The following CDC42BPA variants were observed in gnomAD, a reference collection of about 807,000 sequenced individuals.
The protein encoded by CDC42BPA is serine/threonine-protein kinase MRCK alpha.
CDC42BPA carries 80 observed loss-of-function variants against 223.5 expected under a neutral mutation model. The ratio of observed to expected loss-of-function variants is 0.36; its 90% CI spans 0.30 to 0.43. CDC42BPA has a LOEUF of 0.43. CDC42BPA is among the 20% of genes least tolerant of loss of function. CDC42BPA has a pLI of 1.00. For missense variants in CDC42BPA, 1,743 were observed against 2,099.9 expected (o/e 0.83, Z 3.32); for synonymous variants, 694 against 718.6 (o/e 0.97, Z 0.55).
chr1:227,184,536 C>T (rs1188095209), intron 5 of CDC42BPA, among the ~76,000 whole-genome samples: 1 of 152,098 alleles, frequency 6.6e-6, no homozygotes, highest in Non-Finnish European at 1.5e-5. Context: ...TTTATTACAT[C>T]GCAATTATCT....
chr1:227,203,621 G>C (rs971091641), intron 3 of CDC42BPA, among the ~76,000 whole-genome samples: 1 of 152,042 alleles, frequency 6.6e-6, no homozygotes, highest in Non-Finnish European at 1.5e-5. Context: ...ATCTAAGAAT[G>C]TATTAATAAC....
At chr1:227,253,623 C>A (rs570898899) in intron 2 of CDC42BPA, among the ~76,000 whole-genome samples, 1,529 of 121,510 alleles carry the variant, frequency 0.013, 10 homozygotes, top group Non-Finnish European at 0.022. Context: ...TACATACATA[C>A]ATACATACAT....
chr1:227,192,122 T>C (rs943072221), intron 5 of CDC42BPA, among the ~76,000 whole-genome samples: 4 of 152,272 alleles, frequency 2.6e-5, no homozygotes, highest in South Asian at 2.1e-4. Context: ...TTAATTAAAG[T>C]AGTCTTCCTT....
intron 15 of CDC42BPA, among the ~76,000 whole-genome samples, chr1:227,098,756 A>C (rs530264647): frequency 1.3e-5 from 2 of 151,580 alleles, no homozygotes; most frequent in South Asian, 4.2e-4. Context: ...GGATTACTTC[A>C]ATCGTCTTCT....
chr1:227,248,824 T>C (rs951568211), intron 2 of CDC42BPA, among the ~76,000 whole-genome samples: 1 of 152,288 alleles, frequency 6.6e-6, no homozygotes, highest in East Asian at 1.9e-4. Context: ...GTACATGGGT[T>C]AGAAGAATCA....
Position 227,028,996 on chromosome 1 carries a change from G to C in CDC42BPA, c.4093C>G (p.Leu1365Val). The change falls in exon 30 of 37, where the codon CTA becomes GTA. Residue 1365 changes from leucine (L) to valine (V), a missense_variant. Physicochemically the swap from Leu to Val is conservative, Grantham distance 32. Coordinates refer to ENST00000366766, the MANE Select transcript of CDC42BPA (RefSeq NM_001394014.1). Reference sequence around the variant, plus strand: ...CTGTGACGGGTCTTGCTCTGAAATAGTTCATAACAGAGGACCTGCCTTTTC... The same window carrying C: ...CTGTGACGGGTCTTGCTCTGAAATACTTCATAACAGAGGACCTGCCTTTTC... Reference protein sequence around the residue: ...AMKRQVLCYELFQSKTRHRKF... With the variant: ...AMKRQVLCYEVFQSKTRHRKF... 1 of 1,614,048 alleles carries C rather than the reference G, an allele frequency of 6.2e-7. No homozygotes were observed. Among genetic ancestry groups the C allele is most frequent in the Non-Finnish European group, 8.5e-7 (1 of 1,179,998 alleles).
At chr1:227,144,628 A>C (rs1429393087) in intron 8 of CDC42BPA, among the ~76,000 whole-genome samples, 1 of 150,956 alleles carries the variant, frequency 6.6e-6, no homozygotes, top group Non-Finnish European at 1.5e-5. Context: ...AAGGCAAAAA[A>C]CTCAAAAATT....
At chr1:227,090,457 AT>A (rs1405072986) in intron 16 of CDC42BPA, among the ~76,000 whole-genome samples, 1 of 152,172 alleles carries the variant, frequency 6.6e-6, no homozygotes, top group African/African-American at 2.4e-5. Context: ...ATAAAATACA[AT>A]TAACCAGCCC....
chr1:227,287,583 T>C (rs1689014129), intron 1 of CDC42BPA, among the ~76,000 whole-genome samples: 1 of 152,202 alleles, frequency 6.6e-6, no homozygotes, highest in African/African-American at 2.4e-5. Flanking sequence ...TATGACCAAA[T>C]TACTTAATAC....
rs529815440 is a variant in CDC42BPA, at chr1:227,182,347, G to A, written c.599+11439C>T. Among the ~76,000 whole-genome samples the A allele has an allele frequency of 2.0e-3, 301 of 152,274 alleles. 2 individuals are homozygous for A. Among genetic ancestry groups the A allele is most frequent in the Non-Finnish European group, 2.8e-3 (190 of 68,024 alleles). ...TAGGCCAAAGAGCCTAACCAAATTT[G>A]GCAATCTTGAGGAACTCACCAAATT... On this transcript the variant is annotated intron_variant, in intron 5 of 36. Transcript: ENST00000366766.
At chr1:227,188,522 G>A (rs969291793) in intron 5 of CDC42BPA, among the ~76,000 whole-genome samples, 1 of 152,000 alleles carries the variant, frequency 6.6e-6, no homozygotes, top group Admixed American at 6.6e-5. Context: ...GGTACATGCC[G>A]ACAATAGAAT....
At position 227,000,137 on chromosome 1, in the gene CDC42BPA, G is replaced by T. The variant is rs6677602; in HGVS notation, c.4975+4857C>A. On this transcript the variant is annotated intron_variant, in intron 35 of 36. Transcript: ENST00000366766. ...ATAATAATAATAATAATAATAATAAGCTCTCCTGATGATTCCAGAAGGCCC... is the reference window on the plus strand; with the variant it reads ...ATAATAATAATAATAATAATAATAATCTCTCCTGATGATTCCAGAAGGCCC... Among the ~76,000 whole-genome samples the T allele has an allele frequency of 1.5e-3, 79 of 52,236 alleles. 1 individual carries two copies. Among genetic ancestry groups the T allele is most frequent in the South Asian group, 3.0e-3 (8 of 2,632 alleles). The allele number at this position is 52,236 out of a possible 152,430, so 34.3% of individuals were successfully genotyped here.
chr1:227,254,154 A>C lies in CDC42BPA; in HGVS notation c.180T>G (p.Ala60=). Residue 60 remains alanine, a splice_region_variant and synonymous_variant, in exon 2 of 37, where the codon GCT becomes GCG. Coordinates refer to ENST00000366766, the MANE Select transcript of CDC42BPA (RefSeq NM_001394014.1). ...GTTTCACTTTAGAAGTAAATGGTTT[A>C]GCTGAAATGAAAGAGCAATATCAAT... The part of the protein sequence containing the change: ...EKNILEYLEW[A]KPFTSKVKQM... The C allele has an allele frequency of 6.7e-7, 1 of 1,488,888 alleles. No homozygotes were observed. Among genetic ancestry groups the C allele is most frequent in the South Asian group, 1.2e-5 (1 of 84,058 alleles). 92.2% of individuals were successfully genotyped at this position (1,488,888 alleles called of 1,614,324 possible).
intron 17 of CDC42BPA, among the ~76,000 whole-genome samples, chr1:227,079,450 ACT>A (rs1405438515): frequency 1.3e-5 from 2 of 152,078 alleles, no homozygotes; most frequent in East Asian, 1.9e-4. Context: ...ACAGGTTTTG[ACT>A]CTGTCTTCTG....
At chr1:227,259,889 A>C (rs1260311386) in intron 1 of CDC42BPA, among the ~76,000 whole-genome samples, 1 of 151,010 alleles carries the variant, frequency 6.6e-6, no homozygotes, top group African/African-American at 2.5e-5. Flanking sequence ...TTTTAAAAGT[A>C]CTTCTTGGCA....
intron 23 of CDC42BPA, among the ~76,000 whole-genome samples, chr1:227,047,232 G>A (rs148078238): frequency 4.6e-5 from 7 of 152,030 alleles, no homozygotes; most frequent in African/African-American, 1.7e-4. Flanking sequence ...CCTGCCTCAT[G>A]TTACCAACAT....
At position 227,060,034 on chromosome 1, in the gene CDC42BPA, T is replaced by TG. The variant is rs1553318046; in HGVS notation, c.2905-8050_2905-8049insC. On this transcript the variant is annotated intron_variant, in intron 21 of 36. Transcript: ENST00000366766. ...TATCTCAAAAAGTTTTTTTTTGTTTTTTTTTTTTTTTTTTGAGACGGGAGT... is the reference window on the plus strand; with the variant it reads ...TATCTCAAAAAGTTTTTTTTTGTTTTGTTTTTTTTTTTTTTGAGACGGGAGT... Among the ~76,000 whole-genome samples, 178 of 142,722 alleles carry TG rather than the reference T, an allele frequency of 1.2e-3. 3 individuals are homozygous for TG. The Middle Eastern group carries it at 0.014, about 11-fold the overall frequency. 93.6% of individuals were successfully genotyped at this position (142,722 alleles called of 152,430 possible). A position where few individuals can be genotyped will look rare whatever the true frequency, so the allele number is the denominator to read the frequency against.
At chr1:227,235,000 A>T (rs1417495809) in intron 2 of CDC42BPA, 1 of 152,012 alleles carries the variant, frequency 6.6e-6, no homozygotes, top group Non-Finnish European at 1.5e-5. Context: ...AATGTGGCCC[A>T]AGGAAGCCAA....
chr1:227,184,503 A>G (rs1482399351), intron 5 of CDC42BPA, among the ~76,000 whole-genome samples: 1 of 152,116 alleles, frequency 6.6e-6, no homozygotes, highest in Non-Finnish European at 1.5e-5. Context: ...TGGGCTTGCT[A>G]ATGTCGTCCA....
Sources: gnomAD v4.1 joint callset for allele counts (sites outside exome capture counted in the v4.1 genomes callset) on GRCh38, gnomAD v4.1.1 for gene constraint, MANE v1.5 for transcripts, NCBI Gene and HGNC (gene_info 2026-07-23, HGNC 2026-07-21) for gene names.